The following PRKCQ variants were observed in gnomAD, a reference collection of about 807,000 sequenced individuals.
PRKCQ encodes the protein protein kinase C theta, also known as protein kinase C theta type.
A neutral mutation model predicts 91.2 loss-of-function variants in PRKCQ; 41 were observed. The ratio of observed to expected loss-of-function variants is 0.45; its 90% CI spans 0.35 to 0.58. The LOEUF is 0.58. PRKCQ is among the 20% of genes least tolerant of loss of function. The pLI, the probability that PRKCQ is intolerant of heterozygous loss-of-function variation, is 0.00. For synonymous variants in PRKCQ, 307 were observed against 316.9 expected (o/e 0.97, Z 0.33); for missense variants, 673 against 896.5 (o/e 0.75, Z 3.18).
chr10:6,561,593 C>G (rs1447778341), intron 1 of PRKCQ, among the ~76,000 whole-genome samples: 4 of 152,116 alleles, frequency 2.6e-5, no homozygotes, highest in African/African-American at 9.7e-5. Context: ...TTACAAAGGC[C>G]TATGCCAAAA....
intron 1 of PRKCQ, among the ~76,000 whole-genome samples, chr10:6,577,330 TA>T (rs1841279899): frequency 6.6e-6 from 1 of 152,270 alleles, no homozygotes; most frequent in Admixed American, 6.5e-5. Context: ...AAACAGCTTT[TA>T]ATCCATCTCT....
chr10:6,425,642 A>T, downstream of PRKCQ, among the ~76,000 whole-genome samples: 1 of 152,298 alleles, frequency 6.6e-6, no homozygotes, highest in South Asian at 2.1e-4. Context: ...TAAGCTTGTT[A>T]GTCACCTGAC....
chr10:6,576,627 C>T lies in PRKCQ; in HGVS notation c.-10+3584G>A, dbSNP rs1841247910. Among the ~76,000 whole-genome samples the T allele has an allele frequency of 6.6e-6, 1 of 152,178 alleles. No homozygotes were observed. Reference sequence around the variant, plus strand: ...GAAGAATCCTGTGGATGGATGATGGCAATGGTTGCAAAACAATGTGAATAT... The same window carrying T: ...GAAGAATCCTGTGGATGGATGATGGTAATGGTTGCAAAACAATGTGAATAT... On this transcript the variant is annotated intron_variant, in intron 1 of 17. Transcript: ENST00000263125. The surrounding 1 kb of genome is among the most constrained non-coding windows in gnomAD (Gnocchi z 4.2).
intron 8 of PRKCQ, among the ~76,000 whole-genome samples, chr10:6,488,438 T>A (rs74788461): frequency 0.22 from 32,836 of 150,918 alleles, 4,102 homozygotes; most frequent in Non-Finnish European, 0.29. Context: ...CAGGCTGGAG[T>A]GCAGTGGCAC....
At chr10:6,462,266 G>C in intron 14 of PRKCQ, 37 bp downstream of exon 14, 1 of 1,569,428 alleles carries the variant, frequency 6.4e-7, no homozygotes, top group Non-Finnish European at 8.8e-7. Context: ...CAGGAAAGCC[G>C]ATATCTTAGC....
In PRKCQ at chr10:6,430,102, G is replaced by A. The variant is rs900038693; in HGVS notation, c.1965+708C>T. Among the ~76,000 whole-genome samples, 6 of 152,224 alleles carry A rather than the reference G, an allele frequency of 3.9e-5. No individual in the cohort carries two copies. The South Asian group carries it at 6.2e-4, about 16-fold the overall frequency. ...ACTCCTGACCTCAGGTGATCCACCC[G>A]CCTCGGCTTTCCAAAGTGCTGGGAT... On this transcript the variant is annotated intron_variant, in intron 17 of 17. Transcript: ENST00000263125. The surrounding 1 kb of genome is among the most constrained non-coding windows in gnomAD (Gnocchi z 4.7).
the PRKCQ span, among the ~76,000 whole-genome samples, chr10:6,404,151 C>T: frequency 6.7e-6 from 1 of 150,198 alleles, no homozygotes; most frequent in Non-Finnish European, 1.5e-5. Context: ...CTACCCTTTC[C>T]TTGCCAAGAT....
intron 1 of PRKCQ, among the ~76,000 whole-genome samples, chr10:6,557,989 C>T (rs1025742650): frequency 6.6e-6 from 1 of 152,200 alleles, no homozygotes; most frequent in African/African-American, 2.4e-5. Flanking sequence ...CAGACATTTT[C>T]TCTTAATAAT....
rs547897262 is a variant in PRKCQ, at chr10:6,502,722, C to T, written c.380-4164G>A. On this transcript the variant is annotated intron_variant, in intron 4 of 17. Transcript: ENST00000263125. ...TGGAAAAAATATTGACTAGACAACA[C>T]GAACACAAATGATTGACTGATGCAT... Among the ~76,000 whole-genome samples the T allele has an allele frequency of 1.5e-3, 221 of 152,066 alleles. 1 individual carries two copies. The highest frequency in any genetic ancestry group is 4.9e-3 in the African/African-American group (204 of 41,466).
At chr10:6,559,331 A>G (rs1164041589) in intron 1 of PRKCQ, among the ~76,000 whole-genome samples, 1 of 152,080 alleles carries the variant, frequency 6.6e-6, no homozygotes, top group Non-Finnish European at 1.5e-5. Flanking sequence ...AAGGAGGGAC[A>G]TGCCTTTTTC....
chr10:6,519,737 C>A (rs1469298323), intron 1 of PRKCQ, among the ~76,000 whole-genome samples: 1 of 152,134 alleles, frequency 6.6e-6, no homozygotes, highest in Admixed American at 6.5e-5. Flanking sequence ...TACAACTGTG[C>A]CCCAAAGTGA....
chr10:6,550,313 G>T (rs536436604), intron 1 of PRKCQ, among the ~76,000 whole-genome samples: 3 of 151,818 alleles, frequency 2.0e-5, no homozygotes, highest in Non-Finnish European at 4.4e-5. Flanking sequence ...TCACTCTGCC[G>T]CCCAGCCTGG....
chr10:6,544,431 G>A (rs1839879327), intron 1 of PRKCQ, among the ~76,000 whole-genome samples: 1 of 152,130 alleles, frequency 6.6e-6, no homozygotes, highest in Non-Finnish European at 1.5e-5. Flanking sequence ...TAACGGCAAG[G>A]AGAGACACTG....
At chr10:6,473,466 C>T (rs1836102963) in intron 12 of PRKCQ, among the ~76,000 whole-genome samples, 1 of 152,248 alleles carries the variant, frequency 6.6e-6, no homozygotes, top group Admixed American at 6.5e-5. Flanking sequence ...GCAGGGGAAC[C>T]TGCAGAATGT....
chr10:6,475,237 T>C (rs1264042000), intron 12 of PRKCQ, among the ~76,000 whole-genome samples: 2 of 152,154 alleles, frequency 1.3e-5, no homozygotes, highest in African/African-American at 4.8e-5. Context: ...GCCGTCCCAT[T>C]AGGGCCCCTG....
chr10:6,531,744 T>G (rs1304418274), intron 1 of PRKCQ, among the ~76,000 whole-genome samples: 2 of 152,198 alleles, frequency 1.3e-5, no homozygotes, highest in Admixed American at 1.3e-4. Flanking sequence ...ATCTTTGGAA[T>G]AAGTAAATGG....
rs113289549 is a variant in PRKCQ at position 6,497,545 on chromosome 10, G to A, written c.543-294C>T. 1.2e-3 allele frequency among the ~76,000 whole-genome samples: 186 copies of A among 152,302 alleles called. No individual in the cohort carries two copies. The highest frequency in any genetic ancestry group is 3.5e-3 in the South Asian group (17 of 4,830). On this transcript the variant is annotated intron_variant, in intron 5 of 17. Transcript: ENST00000263125. The surrounding 1 kb of genome is among the most constrained non-coding windows in gnomAD (Gnocchi z 4.5). ...AAAATGCATGCATCACAGACTCTTC[G>A]TAGCACGTTTCCCTGTGCTAGATTT...
chr10:6,456,240 T>C (rs1834996878), intron 15 of PRKCQ, among the ~76,000 whole-genome samples: 1 of 152,244 alleles, frequency 6.6e-6, no homozygotes, highest in South Asian at 2.1e-4. Context: ...ATACCCATTT[T>C]ACAGAAGAGG....
chr10:6,552,873 TAAG>T (rs149700486), intron 1 of PRKCQ, among the ~76,000 whole-genome samples: 12,684 of 141,432 alleles, frequency 0.09, 666 homozygotes, highest in Middle Eastern at 0.21. Flanking sequence ...CATCAGAAAA[TAAG>T]AAGGAGAAAA....
Sources: allele counts gnomAD v4.1 joint callset (sites outside exome capture counted in the v4.1 genomes callset), GRCh38; gene constraint gnomAD v4.1.1; non-coding constraint Gnocchi (gnomAD v3.1); transcripts MANE v1.5; gene names NCBI Gene and HGNC (gene_info 2026-07-23, HGNC 2026-07-21).